RUNX1: variants seen among roughly 807,000 people sequenced by gnomAD.
RUNX1 encodes the protein RUNX family transcription factor 1, also known as runt-related transcription factor 1.
Under a neutral mutation model 42.8 loss-of-function variants are expected in RUNX1, and 19 were observed. The observed-to-expected ratio is 0.44, with a 90% confidence interval of 0.31 to 0.65. RUNX1 has a LOEUF of 0.65. Ranked by LOEUF, RUNX1 falls within the 30% of genes least tolerant of loss-of-function variation. RUNX1 has a pLI of 0.07. For missense variants in RUNX1, 528 were observed against 672.0 expected, an observed-to-expected ratio of 0.79 and a Z score of 2.37; for synonymous variants, 271 against 289.4, an observed-to-expected ratio of 0.94 and a Z score of 0.64.
intron 2 of RUNX1, among the ~76,000 whole-genome samples, chr21:35,017,007 G>T (rs140833274): frequency 0.012 from 1,742 of 148,298 alleles, 30 homozygotes; most frequent in African/African-American, 0.041. Context: ...GGGGGTGAGG[G>T]TTTAAATGGA....
intron 2 of RUNX1, among the ~76,000 whole-genome samples, chr21:34,939,457 A>G (rs1245308106): frequency 6.6e-6 from 1 of 152,212 alleles, no homozygotes; most frequent in Non-Finnish European, 1.5e-5. Context: ...ATATGTAGGA[A>G]AGTTACACGT....
At chr21:34,794,106 A>T (rs1384195986) in intron 8 of RUNX1, among the ~76,000 whole-genome samples, 1 of 152,198 alleles carries the variant, frequency 6.6e-6, no homozygotes, top group African/African-American at 2.4e-5. Flanking sequence ...TGTGATATTA[A>T]TATAGCAGAT....
At chr21:34,855,012 C>A (rs191119663) in intron 6 of RUNX1, among the ~76,000 whole-genome samples, 1 of 152,162 alleles carries the variant, frequency 6.6e-6, no homozygotes, top group African/African-American at 2.4e-5. Flanking sequence ...AACACAGTCA[C>A]GTGAAAGACT....
At chr21:34,917,959 T>C (rs1346376033) in intron 2 of RUNX1, among the ~76,000 whole-genome samples, 1 of 151,922 alleles carries the variant, frequency 6.6e-6, no homozygotes, top group East Asian at 1.9e-4. Context: ...TGAAACCCTG[T>C]CTCTACTAAA....
intron 3 of RUNX1, among the ~76,000 whole-genome samples, chr21:34,889,276 C>G (rs922927925): frequency 6.6e-6 from 1 of 152,154 alleles, no homozygotes; most frequent in East Asian, 1.9e-4. Context: ...CCTGCACCGT[C>G]CGGCTGGCAG....
At chr21:35,032,113 G>T (rs1215470962) in intron 2 of RUNX1, among the ~76,000 whole-genome samples, 2 of 152,166 alleles carry the variant, frequency 1.3e-5, no homozygotes, top group Admixed American at 1.3e-4. Flanking sequence ...CCTACAGATT[G>T]TTTGACACAT....
chr21:34,941,977 T>C (rs375706326), intron 2 of RUNX1, among the ~76,000 whole-genome samples: 384 of 152,226 alleles, frequency 2.5e-3, no homozygotes, highest in African/African-American at 8.8e-3. Flanking sequence ...CTATGCAAAA[T>C]ATCATCTGAT....
chr21:35,018,289 G>T (rs1177666770), intron 2 of RUNX1, among the ~76,000 whole-genome samples: 1 of 152,146 alleles, frequency 6.6e-6, no homozygotes, highest in Admixed American at 6.5e-5. Context: ...GCCTCCCAAA[G>T]TGCTGGGATT....
At chr21:34,979,724 C>T (rs774084823) in intron 2 of RUNX1, among the ~76,000 whole-genome samples, 19 of 152,276 alleles carry the variant, frequency 1.2e-4, no homozygotes, top group Non-Finnish European at 2.5e-4. Context: ...AAAGTCATGT[C>T]GGTTTTAAGT....
chr21:34,855,365 G>C (rs1009248906), intron 6 of RUNX1, among the ~76,000 whole-genome samples: 1 of 152,118 alleles, frequency 6.6e-6, no homozygotes, highest in African/African-American at 2.4e-5. Flanking sequence ...TGAGCTGAGA[G>C]CTGGAGTTTT....
intron 2 of RUNX1, among the ~76,000 whole-genome samples, chr21:34,913,538 G>A (rs140913768): frequency 6.6e-6 from 1 of 152,120 alleles, no homozygotes; most frequent in Admixed American, 6.5e-5. Flanking sequence ...CTTAAGCCTC[G>A]TCACCTTCTC....
intron 7 of RUNX1, among the ~76,000 whole-genome samples, chr21:34,817,926 AG>A (rs2056851501): frequency 6.6e-6 from 1 of 152,222 alleles, no homozygotes; most frequent in Non-Finnish European, 1.5e-5. Flanking sequence ...AAGTGTCTGC[AG>A]ACGTAAGTCC....
intron 2 of RUNX1, among the ~76,000 whole-genome samples, chr21:35,011,182 G>C (rs995793594): frequency 1.3e-4 from 20 of 152,092 alleles, no homozygotes; most frequent in African/African-American, 4.6e-4. Flanking sequence ...GGGGATAAAT[G>C]GTGCACCTGC....
chr21:34,957,943 A>G (rs1219847703), intron 2 of RUNX1, among the ~76,000 whole-genome samples: 2 of 152,144 alleles, frequency 1.3e-5, no homozygotes, highest in South Asian at 2.1e-4. Context: ...CAGGCCACCA[A>G]TGGGAATTTC....
Position 34,791,967 on chromosome 21 carries a change from C to T in RUNX1, c.*168G>A, listed in dbSNP as rs926089188. 1 of 432,754 alleles carries T rather than the reference C, an allele frequency of 2.3e-6. No homozygotes were observed. Among genetic ancestry groups the T allele is most frequent in the South Asian group, 2.5e-5 (1 of 40,492 alleles). The allele number at this position is 432,754 out of a possible 1,614,324, so 26.8% of individuals were successfully genotyped here. A position where few individuals can be genotyped will look rare whatever the true frequency, so the allele number is the denominator to read the frequency against. ...GTGGGCTTCTGGGCGCAGGAGGCTG[C>T]GCGGGCCTGACCTACAGCGAGATCC... On this transcript the variant is annotated 3_prime_UTR_variant, in exon 9 of 9. Transcript: ENST00000675419.
rs774852514 is a variant in RUNX1, at chr21:34,886,861, G to C, written c.333C>G (p.Thr111=). Residue 111 remains threonine, a synonymous_variant, in exon 4 of 9, where the codon ACC becomes ACG. Coordinates refer to ENST00000675419, the MANE Select transcript of RUNX1 (RefSeq NM_001754.5). ...CCAGTACCTTGAAAGCGATGGGCAG[G>C]GTCTTGTTGCAGCGCCAGTGCGTAG... ...VLPTHWRCNK[T]LPIAFKVVAL... 9.9e-6 allele frequency: 16 copies of C among 1,613,542 alleles called. No homozygotes were observed. The highest frequency in any genetic ancestry group is 1.7e-5 in the Admixed American group (1 of 60,022).
intron 5 of RUNX1, among the ~76,000 whole-genome samples, chr21:34,878,718 G>A (rs976444862): frequency 2.0e-5 from 3 of 152,062 alleles, no homozygotes; most frequent in African/African-American, 7.2e-5. Context: ...GCACCTATTA[G>A]TCACCCACTC....
chr21:34,834,694 G>A, intron 6 of RUNX1, 93 bp from the exon 7 acceptor site: 1 of 1,154,172 alleles, frequency 8.7e-7, no homozygotes, highest in Non-Finnish European at 1.2e-6. Flanking sequence ...TAAAACTGGG[G>A]CTTTTCTTGT....
At chr21:35,011,454 G>A (rs531885522) in intron 2 of RUNX1, among the ~76,000 whole-genome samples, 1 of 152,340 alleles carries the variant, frequency 6.6e-6, no homozygotes, top group Non-Finnish European at 1.5e-5. Context: ...GCTCTTTGCT[G>A]TCAACTCATA....
Sources: gnomAD v4.1 joint callset for allele counts (sites outside exome capture counted in the v4.1 genomes callset) on GRCh38, gnomAD v4.1.1 for gene constraint, MANE v1.5 for transcripts, NCBI Gene and HGNC (gene_info 2026-07-23, HGNC 2026-07-21) for gene names.